The following KAZN variants were observed in gnomAD, a reference collection of about 807,000 sequenced individuals.
KAZN encodes kazrin, periplakin interacting protein.
KAZN carries 40 observed loss-of-function variants against 87.4 expected under a neutral mutation model. That is an observed-to-expected ratio of 0.46 (90% CI 0.36 to 0.60). The LOEUF (loss-of-function observed/expected upper bound fraction) is 0.60. Ranked by LOEUF, KAZN falls within the 20% of genes least tolerant of loss-of-function variation. The pLI is 0.00. For synonymous variants in KAZN, 466 were observed against 458.3 expected (o/e 1.02, Z -0.22); for missense variants, 898 against 1,073.9 (o/e 0.84, Z 2.29).
At chr1:14,076,963 G>C (rs753647193) in intron 1 of KAZN, among the ~76,000 whole-genome samples, 7 of 152,104 alleles carry the variant, frequency 4.6e-5, no homozygotes, top group Non-Finnish European at 1.0e-4. Flanking sequence ...TGGGATGCAC[G>C]GCTGGCCAAG....
At chr1:14,966,772 G>A (rs4661551) in intron 2 of KAZN, among the ~76,000 whole-genome samples, 79,233 of 151,948 alleles carry the variant, frequency 0.52, 22,216 homozygotes, top group African/African-American at 0.73. Flanking sequence ...CCTGGGTTCA[G>A]ACGATTCTCC....
intron 1 of KAZN, among the ~76,000 whole-genome samples, chr1:14,108,890 A>G (rs1024750249): frequency 6.6e-6 from 1 of 152,082 alleles, no homozygotes. Flanking sequence ...CAACCCCAAC[A>G]TATTTCTAGT....
intron 2 of KAZN, among the ~76,000 whole-genome samples, chr1:15,008,500 C>A (rs182467645): frequency 6.6e-6 from 1 of 152,176 alleles, no homozygotes; most frequent in Non-Finnish European, 1.5e-5. Context: ...TGATGAGGAC[C>A]GGGAATGCCC....
chr1:15,102,674 C>A (rs1250925008), intron 11 of KAZN, among the ~76,000 whole-genome samples: 1 of 152,188 alleles, frequency 6.6e-6, no homozygotes, highest in African/African-American at 2.4e-5. Flanking sequence ...CCACTGTGTG[C>A]CTACTGTGAA....
chr1:14,844,360 A>T (rs1298537376), intron 1 of KAZN, among the ~76,000 whole-genome samples: 2 of 152,344 alleles, frequency 1.3e-5, no homozygotes, highest in African/African-American at 4.8e-5. Context: ...AGGTAAAATT[A>T]GGTGCTACAA....
At position 15,117,682 on chromosome 1, in the gene KAZN, G is replaced by C. The variant is rs1336587496; in HGVS notation, c.*3047G>C. On this transcript the variant is annotated 3_prime_UTR_variant, in exon 15 of 15. Coordinates refer to ENST00000376030, the MANE Select transcript of KAZN (RefSeq NM_201628.3). The stretch of plus-strand genomic sequence containing the variant: ...TCAGTGTTCCCTCCAGGGGCATCCA[G>C]GCCCCTCTGACCTGGGGAGAAGAAG... 2 of 152,504 alleles carry C rather than the reference G, an allele frequency of 1.3e-5. No individual in the cohort carries two copies. Among genetic ancestry groups the C allele is most frequent in the African/African-American group, 4.8e-5 (2 of 41,448 alleles). 9.4% of individuals were successfully genotyped at this position (152,504 alleles called of 1,614,324 possible).
chr1:15,059,245 G>A lies in KAZN; in HGVS notation c.917-927G>A, dbSNP rs546599942. On this transcript the variant is annotated intron_variant, in intron 5 of 14. Coordinates refer to ENST00000376030, the MANE Select transcript of KAZN (RefSeq NM_201628.3). The stretch of plus-strand genomic sequence containing the variant: ...AGCCACCATGCCCAGCCAAAAGCAA[G>A]CACTTTGATAAGAACCAACAAGACA... 1.6e-4 allele frequency among the ~76,000 whole-genome samples: 25 copies of A among 152,206 alleles called. No homozygotes were observed. In the South Asian group the frequency reaches 5.0e-3, roughly 30 times the overall value.
chr1:14,932,371 C>G (rs1321301526), intron 1 of KAZN, among the ~76,000 whole-genome samples: 1 of 152,188 alleles, frequency 6.6e-6, no homozygotes, highest in Admixed American at 6.5e-5. Context: ...GTCAGCCAGA[C>G]AGTGGAGAGC....
chr1:14,786,503 C>A (rs572814914), intron 1 of KAZN, among the ~76,000 whole-genome samples: 2 of 152,124 alleles, frequency 1.3e-5, no homozygotes, highest in Non-Finnish European at 2.9e-5. Flanking sequence ...CCTAACCGGG[C>A]ATGGTGATTT....
At chr1:14,922,415 C>T (rs1212460149) in intron 1 of KAZN, among the ~76,000 whole-genome samples, 4 of 152,158 alleles carry the variant, frequency 2.6e-5, no homozygotes, top group Non-Finnish European at 5.9e-5. Context: ...GGATTCCCAG[C>T]ATCTCTGGTC....
At chr1:13,951,727 GGTT>G (rs1641352484) in intron 1 of KAZN, among the ~76,000 whole-genome samples, 1 of 152,006 alleles carries the variant, frequency 6.6e-6, no homozygotes, top group Non-Finnish European at 1.5e-5. Context: ...GCCAGCACAG[GGTT>G]GCTGTCCATG....
chr1:14,513,392 G>C (rs1472770894), intron 2 of KAZN, among the ~76,000 whole-genome samples: 2 of 152,104 alleles, frequency 1.3e-5, no homozygotes, highest in African/African-American at 4.8e-5. Flanking sequence ...CTGGGCCCAG[G>C]CTCACTGGGT....
intron 1 of KAZN, among the ~76,000 whole-genome samples, chr1:13,912,765 G>A (rs1639701192): frequency 1.3e-5 from 2 of 152,018 alleles, no homozygotes; most frequent in Non-Finnish European, 2.9e-5. Flanking sequence ...CACCACACCT[G>A]GCTAATTTTT....
At chr1:14,575,701 G>A (rs768607076) in intron 2 of KAZN, among the ~76,000 whole-genome samples, 1 of 152,184 alleles carries the variant, frequency 6.6e-6, no homozygotes, top group Admixed American at 6.5e-5. Flanking sequence ...ACAATTAAAA[G>A]AGTCAGGAGG....
chr1:14,407,902 T>G (rs1663996103), intron 2 of KAZN, among the ~76,000 whole-genome samples: 2 of 152,186 alleles, frequency 1.3e-5, no homozygotes, highest in African/African-American at 4.8e-5. Context: ...AATTAATTTG[T>G]TTTTTAGACA....
In KAZN at chr1:14,577,398, A is replaced by AG. The variant is rs1411330568; in HGVS notation, c.250-21584dup. Among the ~76,000 whole-genome samples the AG allele has an allele frequency of 3.3e-5, 5 of 152,332 alleles. No individual in the cohort carries two copies. The South Asian group carries it at 8.3e-4, about 25-fold the overall frequency. On this transcript the variant is annotated intron_variant, in intron 2 of 16. Transcript: ENST00000636203. ...GTGGCTTTAATAAATCTGAGCATAA[A>AG]GATTGCTTCCACAGACACCCTCAGC... is the stretch of plus-strand genomic sequence containing the variant.
intron 2 of KAZN, among the ~76,000 whole-genome samples, chr1:14,244,843 G>A (rs1318390874): frequency 6.6e-6 from 1 of 152,132 alleles, no homozygotes; most frequent in Non-Finnish European, 1.5e-5. Context: ...GATTGTGTAG[G>A]GCCTTGTTAA....
At chr1:14,404,746 G>C (rs1159651626) in intron 2 of KAZN, among the ~76,000 whole-genome samples, 1 of 152,086 alleles carries the variant, frequency 6.6e-6, no homozygotes, top group Non-Finnish European at 1.5e-5. Context: ...CTCAAAAATA[G>C]TAAGAAAAAC....
intron 1 of KAZN, among the ~76,000 whole-genome samples, chr1:14,718,423 C>A (rs781627828): frequency 1.3e-5 from 2 of 152,200 alleles, no homozygotes; most frequent in South Asian, 2.1e-4. Context: ...GACGTCCTTG[C>A]GGGGACTTTT....
Sources: gnomAD v4.1 joint callset for allele counts (sites outside exome capture counted in the v4.1 genomes callset) on GRCh38, gnomAD v4.1.1 for gene constraint, MANE v1.5 for transcripts, NCBI Gene and HGNC (gene_info 2026-07-23, HGNC 2026-07-21) for gene names.